ROBO2: variants seen among roughly 807,000 people sequenced by gnomAD.
ROBO2 encodes roundabout homolog 2.
ROBO2 carries 53 observed loss-of-function variants against 160.8 expected under a neutral mutation model. That is an observed-to-expected ratio of 0.33 (90% CI 0.26 to 0.41). The LOEUF (loss-of-function observed/expected upper bound fraction) is 0.41. ROBO2 is among the 10% of genes least tolerant of loss of function. The probability of loss-of-function intolerance (pLI) is 1.00; values close to 1 mark genes in which losing one functional copy is unlikely to be tolerated. For synonymous variants in ROBO2, 664 were observed against 611.7 expected (o/e 1.09, Z -1.26); for missense variants, 1,577 against 1,722.4 (o/e 0.92, Z 1.49).
At chr3:76,287,934 A>G (rs1444834535) in intron 2 of ROBO2, among the ~76,000 whole-genome samples, 7 of 109,370 alleles carry the variant, frequency 6.4e-5, no homozygotes, top group African/African-American at 1.0e-4. Context: ...GTATGTTTGT[A>G]TGACATTCCA....
chr3:76,068,055 AG>A (rs1369395938), intron 2 of ROBO2, among the ~76,000 whole-genome samples: 1 of 152,170 alleles, frequency 6.6e-6, no homozygotes, highest in Non-Finnish European at 1.5e-5. Flanking sequence ...ATACACATGG[AG>A]GGTGGACGGT....
chr3:76,545,714 T>C (rs1404704183), intron 2 of ROBO2, among the ~76,000 whole-genome samples: 2 of 151,978 alleles, frequency 1.3e-5, no homozygotes, highest in Non-Finnish European at 2.9e-5. Context: ...TGATCTTTTT[T>C]CTTGAGTATA....
chr3:76,589,291 C>T (rs1367136107), intron 2 of ROBO2, among the ~76,000 whole-genome samples: 1 of 151,912 alleles, frequency 6.6e-6, no homozygotes, highest in Non-Finnish European at 1.5e-5. Flanking sequence ...AAGAAATAAA[C>T]ACTTGGCTTT....
At chr3:76,359,319 A>C (rs2075369357) in intron 2 of ROBO2, among the ~76,000 whole-genome samples, 1 of 152,070 alleles carries the variant, frequency 6.6e-6, no homozygotes, top group Non-Finnish European at 1.5e-5. Context: ...AGAGACGTTC[A>C]TCTGAAAGGT....
chr3:77,066,654 G>A (rs1330157060), intron 1 of ROBO2, among the ~76,000 whole-genome samples: 1 of 152,110 alleles, frequency 6.6e-6, no homozygotes, highest in African/African-American at 2.4e-5. Context: ...AAATAGGACA[G>A]TACTTTAATT....
chr3:76,368,762 T>C lies in ROBO2; in HGVS notation c.109+431160T>C, dbSNP rs542564953. Among the ~76,000 whole-genome samples, 5 of 152,120 alleles carry C rather than the reference T, an allele frequency of 3.3e-5. No individual in the cohort carries two copies. The East Asian group carries it at 5.8e-4, about 18-fold the overall frequency. On this transcript the variant is annotated intron_variant, in intron 2 of 26. Coordinates refer to the ROBO2 transcript ENST00000487694. ...TCCTTGTATCAGGACGTGGGATCTA[T>C]GTTCCCCTCCCTTGAATCAGAGCCC...
chr3:76,559,788 C>A (rs146254879), intron 2 of ROBO2, among the ~76,000 whole-genome samples: 1 of 152,228 alleles, frequency 6.6e-6, no homozygotes, highest in African/African-American at 2.4e-5. Flanking sequence ...TTATTACCTG[C>A]ACTGACCTGA....
At chr3:76,708,580 A>C (rs1488491259) in intron 2 of ROBO2, among the ~76,000 whole-genome samples, 3 of 152,234 alleles carry the variant, frequency 2.0e-5, no homozygotes, top group Non-Finnish European at 4.4e-5. Context: ...ACGTCACTGC[A>C]TCAGGTATTA....
At chr3:76,768,442 C>T (rs1273444111) in intron 2 of ROBO2, among the ~76,000 whole-genome samples, 1 of 151,348 alleles carries the variant, frequency 6.6e-6, no homozygotes, top group Non-Finnish European at 1.5e-5. Flanking sequence ...GATGTATAAT[C>T]AAGTTGAAAC....
At chr3:76,424,733 A>G (rs1362863180) in intron 2 of ROBO2, among the ~76,000 whole-genome samples, 1 of 152,186 alleles carries the variant, frequency 6.6e-6, no homozygotes, top group Admixed American at 6.5e-5. Context: ...TTATGCGTCG[A>G]AAGTGATGAT....
intron 2 of ROBO2, among the ~76,000 whole-genome samples, chr3:77,134,883 T>C (rs527593760): frequency 7.2e-5 from 11 of 152,334 alleles, no homozygotes; most frequent in African/African-American, 2.6e-4. Context: ...AAATTGATTT[T>C]CCTCTACTGT....
chr3:76,339,991 A>G (rs1312705677), intron 2 of ROBO2, among the ~76,000 whole-genome samples: 1 of 151,948 alleles, frequency 6.6e-6, no homozygotes, highest in African/African-American at 2.4e-5. Context: ...TACTATAATC[A>G]TCGACTATTT....
intron 2 of ROBO2, among the ~76,000 whole-genome samples, chr3:76,114,579 A>G (rs2070379059): frequency 2.0e-5 from 3 of 152,058 alleles, no homozygotes; most frequent in African/African-American, 7.2e-5. Flanking sequence ...CATTATCTTT[A>G]AAGATGAAGA....
At chr3:77,632,639 C>A (rs1206001350) in intron 23 of ROBO2, 2 of 1,535,136 alleles carry the variant, frequency 1.3e-6, no homozygotes, top group South Asian at 1.2e-5. Flanking sequence ...CTGGATGGAA[C>A]CAGCCTTACA....
At chr3:76,278,546 T>A (rs535714093) in intron 2 of ROBO2, among the ~76,000 whole-genome samples, 1 of 152,138 alleles carries the variant, frequency 6.6e-6, no homozygotes, top group South Asian at 2.1e-4. Context: ...GAACGGAAGC[T>A]TTTGAGGAGT....
chr3:77,211,846 G>T (rs1195614455), intron 2 of ROBO2, among the ~76,000 whole-genome samples: 4 of 152,236 alleles, frequency 2.6e-5, no homozygotes, highest in Non-Finnish European at 2.9e-5. Flanking sequence ...TTTCCCCATT[G>T]CTTGTTTTTG....
intron 2 of ROBO2, among the ~76,000 whole-genome samples, chr3:76,072,543 T>C (rs1374608955): frequency 6.6e-6 from 1 of 152,192 alleles, no homozygotes; most frequent in Admixed American, 6.5e-5. Flanking sequence ...CAGAAACTTA[T>C]ACTAAATTAA....
intron 2 of ROBO2, among the ~76,000 whole-genome samples, chr3:76,185,786 A>G (rs1252891445): frequency 6.6e-6 from 1 of 152,130 alleles, no homozygotes; most frequent in African/African-American, 2.4e-5. Flanking sequence ...ATTTTTGACA[A>G]TAAGATACCA....
intron 2 of ROBO2, among the ~76,000 whole-genome samples, chr3:76,896,492 A>G (rs1044652015): frequency 5.9e-5 from 9 of 152,108 alleles, no homozygotes; most frequent in African/African-American, 2.2e-4. Context: ...ATAAATTGGG[A>G]TATATTTATA....
Sources: allele counts gnomAD v4.1 joint callset (sites outside exome capture counted in the v4.1 genomes callset), GRCh38; gene constraint gnomAD v4.1.1; transcripts MANE v1.5; gene names NCBI Gene and HGNC (gene_info 2026-07-23, HGNC 2026-07-21).